Variants in MBIP observed in about 807,000 individuals in gnomAD.
MBIP encodes MAP3K12-binding inhibitory protein 1.
In MBIP, 32 loss-of-function variants were observed where a neutral mutation model predicts 45.7. The observed-to-expected ratio is 0.70, with a 90% CI of 0.53 to 0.94. The LOEUF (loss-of-function observed/expected upper bound fraction) is 0.94. Among genes scored for constraint, MBIP ranks in the 40% least tolerant of loss-of-function variants. The probability of loss-of-function intolerance (pLI) is 0.00; values close to 1 mark genes in which losing one functional copy is unlikely to be tolerated. For missense variants in MBIP, 381 were observed against 405.5 expected (o/e 0.94, Z 0.52); for synonymous variants, 145 against 141.0 (o/e 1.03, Z -0.20).
chr14:36,302,837 T>G (rs1417391805), intron 7 of MBIP, among the ~76,000 whole-genome samples: 1 of 152,154 alleles, frequency 6.6e-6, no homozygotes, highest in East Asian at 1.9e-4. Context: ...CTAGATAAGG[T>G]TTTTCAAATT....
intron 4 of MBIP, chr14:36,313,572 G>A (rs1880345228): frequency 6.6e-6 from 1 of 151,920 alleles, no homozygotes; most frequent in Non-Finnish European, 1.5e-5. Context: ...TGCCATTGTT[G>A]CACCTGTTCT....
Position 36,314,746 on chromosome 14 carries a change from T to G in MBIP, c.419A>C (p.Lys140Thr). 1 of 1,613,666 alleles carries G rather than the reference T, an allele frequency of 6.2e-7. No individual in the cohort carries two copies. The highest frequency in any genetic ancestry group is 8.5e-7 in the Non-Finnish European group (1 of 1,179,740). Residue 140 changes from lysine to threonine, a missense_variant, in exon 3 of 9, where the codon AAG becomes ACG. Lys to Thr is a moderately conservative substitution (Grantham distance 78). Coordinates refer to ENST00000416007, the MANE Select transcript of MBIP (RefSeq NM_016586.3). ...HKESDLRDVK[K>T]TQIHFDPEVV... is the part of the protein sequence containing the mutation. ...TTCTGGATCAAAATGGATCTGTGTC[T>G]TTTTCACATCTCTTAAATCACTTTC...
chr14:36,303,023 C>T (rs1297586862), intron 7 of MBIP, among the ~76,000 whole-genome samples: 4 of 152,202 alleles, frequency 2.6e-5, no homozygotes, highest in African/African-American at 9.7e-5. Flanking sequence ...CGATACTCTA[C>T]AGTGTACTGT....
intron 2 of MBIP, 90 bp downstream of exon 2, chr14:36,316,603 G>T: frequency 8.8e-7 from 1 of 1,135,040 alleles, no homozygotes; most frequent in Non-Finnish European, 1.3e-6. Context: ...TATTAATATA[G>T]TGTTTAGAAC....
chr14:36,311,134 G>A (rs762398797), intron 6 of MBIP, among the ~76,000 whole-genome samples: 1 of 152,106 alleles, frequency 6.6e-6, no homozygotes, highest in Non-Finnish European at 1.5e-5. Flanking sequence ...TAAATGGAGA[G>A]GGAGACTCAG....
At position 36,316,732 on chromosome 14, in the gene MBIP, C is replaced by T; in HGVS notation, c.210G>A (p.Leu70=). 2 of 1,612,622 alleles carry T rather than the reference C, an allele frequency of 1.2e-6. No homozygotes were observed. The highest frequency in any genetic ancestry group is 1.7e-6 in the Non-Finnish European group (2 of 1,179,124). Residue 70 remains leucine, a synonymous_variant, in exon 2 of 9, where the codon TTG becomes TTA. Transcript: ENST00000416007. ...TGTGTTGTTCAAGTGCACTAAAGAG[C>T]AATGCAGGCTGGAATGCCGAGAGGC... ...LQSLSAFQPA[L]LFSALEQHIL...
intron 3 of MBIP, 25 bp downstream of exon 3, chr14:36,314,666 C>T (rs780286223): frequency 5.0e-6 from 8 of 1,607,800 alleles, no homozygotes; most frequent in African/African-American, 4.0e-5. Flanking sequence ...AATACCCTCT[C>T]GCCCCCGCCA....
intron 6 of MBIP, among the ~76,000 whole-genome samples, chr14:36,311,038 C>T (rs1880166913): frequency 6.6e-6 from 1 of 152,160 alleles, no homozygotes. Context: ...GTGGCTTCAA[C>T]TCTAGTAGTA....
chr14:36,315,478 C>T lies in MBIP; in HGVS notation c.250-563G>A, dbSNP rs114705572. Among the ~76,000 whole-genome samples, 176 of 152,004 alleles carry T rather than the reference C, an allele frequency of 1.2e-3. 1 individual carries two copies. Among genetic ancestry groups the T allele is most frequent in the African/African-American group, 4.1e-3 (170 of 41,440 alleles). On this transcript the variant is annotated intron_variant, in intron 2 of 8. Coordinates refer to ENST00000416007, the MANE Select transcript of MBIP (RefSeq NM_016586.3). ...ATATAGGTGTTAGGCTGAGTGAACA[C>T]TCAGACTTTTCCTGACATGGCAAGA...
intron 1 of MBIP, among the ~76,000 whole-genome samples, chr14:36,317,561 A>G (rs1437170365): frequency 6.6e-6 from 1 of 152,142 alleles, no homozygotes; most frequent in East Asian, 1.9e-4. Context: ...GGAAATTTCT[A>G]TCAGTTGGTG....
intron 7 of MBIP, among the ~76,000 whole-genome samples, chr14:36,307,768 CCT>C (rs1334517037): frequency 6.6e-6 from 1 of 152,086 alleles, no homozygotes; most frequent in Non-Finnish European, 1.5e-5. Flanking sequence ...ACAGAGGAAG[CCT>C]CTGTTTTACA....
intron 1 of MBIP, among the ~76,000 whole-genome samples, chr14:36,319,268 C>A (rs1458070379): frequency 6.6e-6 from 1 of 152,122 alleles, no homozygotes; most frequent in Admixed American, 6.5e-5. Context: ...AAAAAGTTCT[C>A]TAACTTTTAA....
intron 8 of MBIP, 79 bp downstream of exon 8, chr14:36,300,706 G>T: frequency 9.2e-7 from 1 of 1,085,990 alleles, no homozygotes; most frequent in Non-Finnish European, 1.3e-6. Flanking sequence ...AGCAACCATA[G>T]TAGAAACTTT....
At chr14:36,312,610 CAA>C (rs1180618347) in intron 4 of MBIP, among the ~76,000 whole-genome samples, 1 of 151,968 alleles carries the variant, frequency 6.6e-6, no homozygotes, top group Non-Finnish European at 1.5e-5. Flanking sequence ...CACCACTTTT[CAA>C]AAAAGTTTCA....
chr14:36,301,059 C>G (rs1415649860), intron 7 of MBIP: 1 of 300,360 alleles, frequency 3.3e-6, no homozygotes, highest in African/African-American at 2.2e-5. Context: ...ACATGCTCAT[C>G]CTTGGCAATA....
At chr14:36,316,041 C>A (rs540483077) in intron 2 of MBIP, among the ~76,000 whole-genome samples, 2 of 152,078 alleles carry the variant, frequency 1.3e-5, no homozygotes, top group South Asian at 4.2e-4. Context: ...AATTAGAAAC[C>A]AGCAAGGTCA....
At chr14:36,310,146 T>A (rs1594515704) in intron 6 of MBIP, among the ~76,000 whole-genome samples, 1 of 152,232 alleles carries the variant, frequency 6.6e-6, no homozygotes, top group Non-Finnish European at 1.5e-5. Context: ...AATCCTTTTA[T>A]ACAGTGGCAT....
chr14:36,313,457 A>C (rs1164453909), intron 4 of MBIP: 1 of 152,096 alleles, frequency 6.6e-6, no homozygotes, highest in African/African-American at 2.4e-5. Flanking sequence ...ATAATAATAG[A>C]GTTAGCAGGG....
In MBIP at chr14:36,306,684, C is replaced by T. The variant is rs997879945; in HGVS notation, c.888+1408G>A. On this transcript the variant is annotated intron_variant, in intron 7 of 8. Coordinates refer to ENST00000416007, the MANE Select transcript of MBIP (RefSeq NM_016586.3). ...TACTCTATTGTAAGATCGGTTCTAT[C>T]GTTAATAAGAATTATATTAACAAGG... 7.9e-5 allele frequency among the ~76,000 whole-genome samples: 12 copies of T among 152,176 alleles called. No individual in the cohort carries two copies. In the East Asian group the frequency reaches 1.5e-3, roughly 20 times the overall value.
Sources: allele counts gnomAD v4.1 joint callset (sites outside exome capture counted in the v4.1 genomes callset), GRCh38; gene constraint gnomAD v4.1.1; transcripts MANE v1.5; gene names NCBI Gene and HGNC (gene_info 2026-07-23, HGNC 2026-07-21).